Variants in MYO3A observed in about 807,000 individuals in gnomAD.
The protein encoded by MYO3A is myosin IIIA.
A neutral mutation model predicts 192.7 loss-of-function variants in MYO3A; 180 were observed. The observed-to-expected ratio is 0.93, with a 90% CI of 0.83 to 1.06. MYO3A has a LOEUF of 1.06. Among genes scored for constraint, MYO3A ranks in the 50% least tolerant of loss-of-function variants. The probability of loss-of-function intolerance (pLI) is 0.00; values close to 1 mark genes in which losing one functional copy is unlikely to be tolerated. For missense variants in MYO3A, 1,896 were observed against 1,905.0 expected (o/e 1.00, Z 0.09); for synonymous variants, 628 against 645.3 (o/e 0.97, Z 0.41).
At chr10:26,150,111 A>G (rs1192982921) in intron 23 of MYO3A, among the ~76,000 whole-genome samples, 1 of 151,986 alleles carries the variant, frequency 6.6e-6, no homozygotes, top group Non-Finnish European at 1.5e-5. Flanking sequence ...TGGGTTGATC[A>G]TATCTTGGCT....
At chr10:26,075,087 C>T (rs1835445553) in intron 14 of MYO3A, among the ~76,000 whole-genome samples, 1 of 152,098 alleles carries the variant, frequency 6.6e-6, no homozygotes, top group South Asian at 2.1e-4. Flanking sequence ...CATTTCTATT[C>T]CACTAGTTGA....
chr10:26,115,967 TA>T (rs1231547420), intron 17 of MYO3A, among the ~76,000 whole-genome samples: 1 of 152,216 alleles, frequency 6.6e-6, no homozygotes, highest in Non-Finnish European at 1.5e-5. Flanking sequence ...GTCACAAGAC[TA>T]ATTGTCAGAT....
chr10:26,000,151 A>G (rs1277065879), intron 6 of MYO3A, among the ~76,000 whole-genome samples: 1 of 152,168 alleles, frequency 6.6e-6, no homozygotes, highest in African/African-American at 2.4e-5. Flanking sequence ...TCCGTGCTGG[A>G]ACAGAGTAAG....
At chr10:25,985,255 A>AAAG (rs1554794858) in intron 4 of MYO3A, among the ~76,000 whole-genome samples, 5,802 of 147,438 alleles carry the variant, frequency 0.039, 181 homozygotes, top group Middle Eastern at 0.066. Flanking sequence ...AAAAAAAAAA[A>AAAG]AAATTCTGAA....
At chr10:25,985,182 G>A (rs1212842115) in intron 4 of MYO3A, among the ~76,000 whole-genome samples, 6 of 148,690 alleles carry the variant, frequency 4.0e-5, no homozygotes, top group African/African-American at 9.9e-5. Flanking sequence ...AGGTTGCAGT[G>A]AGCTGAGATC....
intron 6 of MYO3A, 126 bp from the exon 7 acceptor site, chr10:26,016,694 A>G (rs1842000812): frequency 1.0e-5 from 9 of 862,036 alleles, no homozygotes; most frequent in Non-Finnish European, 1.7e-5. Context: ...TTAATGTGAC[A>G]CTAGGTCCAC....
Position 26,052,680 on chromosome 10 carries a change from C to T in MYO3A, c.954-14295C>T, listed in dbSNP as rs146348260. 1.1e-3 allele frequency among the ~76,000 whole-genome samples: 163 copies of T among 152,304 alleles called. 2 individuals carry two copies. The highest frequency in any genetic ancestry group is 2.6e-4 in the Non-Finnish European group (18 of 68,026). ...TTATGTTTAACAAAAGATTGCTATT[C>T]TACCCCAGTGGCTCCTTAATCACCT... On this transcript the variant is annotated intron_variant, in intron 10 of 34. Transcript: ENST00000642920.
At chr10:25,972,516 G>T (rs918898022) in intron 4 of MYO3A, among the ~76,000 whole-genome samples, 25 of 151,844 alleles carry the variant, frequency 1.6e-4, no homozygotes, top group African/African-American at 6.0e-4. Context: ...TTTTGTTGTT[G>T]TTGAAAACTG....
intron 34 of MYO3A, among the ~76,000 whole-genome samples, chr10:26,209,442 T>C (rs1844122965): frequency 6.6e-6 from 1 of 152,152 alleles, no homozygotes; most frequent in Non-Finnish European, 1.5e-5. Flanking sequence ...AAATGAATAA[T>C]ACATGAAAGA....
intron 26 of MYO3A, among the ~76,000 whole-genome samples, chr10:26,160,767 G>A (rs1357520855): frequency 6.6e-6 from 1 of 152,184 alleles, no homozygotes; most frequent in Non-Finnish European, 1.5e-5. Flanking sequence ...AAAGCTAGCG[G>A]GACTTAGATT....
At chr10:26,172,279 A>T (rs1842087559) in intron 29 of MYO3A, among the ~76,000 whole-genome samples, 1 of 152,216 alleles carries the variant, frequency 6.6e-6, no homozygotes, top group South Asian at 2.1e-4. Flanking sequence ...AGAGCCCCTG[A>T]ACTGTGACCT....
chr10:26,049,289 T>A (rs1843825515), intron 10 of MYO3A, among the ~76,000 whole-genome samples: 1 of 152,080 alleles, frequency 6.6e-6, no homozygotes, highest in Non-Finnish European at 1.5e-5. Flanking sequence ...GAGCCTCAGT[T>A]GAAGGGTATT....
At chr10:26,176,539 G>A (rs76326604) in intron 30 of MYO3A, among the ~76,000 whole-genome samples, 162 bp from the exon 31 acceptor site, 1 of 152,176 alleles carries the variant, frequency 6.6e-6, no homozygotes, top group East Asian at 1.9e-4. Context: ...AGGTTGTCAG[G>A]TGAGAACTTT....
intron 17 of MYO3A, among the ~76,000 whole-genome samples, chr10:26,105,796 T>C (rs1283515212): frequency 6.6e-6 from 1 of 151,868 alleles, no homozygotes; most frequent in African/African-American, 2.4e-5. Context: ...GTATGTGTAG[T>C]CTCCTAGATT....
chr10:26,188,541 G>A (rs1032966131), intron 31 of MYO3A, among the ~76,000 whole-genome samples: 1 of 152,078 alleles, frequency 6.6e-6, no homozygotes, highest in Non-Finnish European at 1.5e-5. Flanking sequence ...CATTGCTTTT[G>A]GTGTTTTAGT....
At chr10:26,170,328 A>C in intron 28 of MYO3A, 88 bp from the exon 29 acceptor site, 2 of 1,429,032 alleles carry the variant, frequency 1.4e-6, no homozygotes, top group Admixed American at 3.9e-5. Context: ...CTTTGACATC[A>C]ATGGTCAAAG....
At chr10:25,995,510 G>T (rs1840370053) in intron 4 of MYO3A, among the ~76,000 whole-genome samples, 1 of 152,174 alleles carries the variant, frequency 6.6e-6, no homozygotes, top group Non-Finnish European at 1.5e-5. Context: ...CAAATCATCA[G>T]TCATTCTCCA....
At chr10:26,000,448 C>G (rs1364678555) in intron 6 of MYO3A, among the ~76,000 whole-genome samples, 1 of 151,132 alleles carries the variant, frequency 6.6e-6, no homozygotes, top group Admixed American at 6.6e-5. Context: ...ATGCAAATTG[C>G]AAAAAAAATG....
intron 17 of MYO3A, among the ~76,000 whole-genome samples, chr10:26,118,187 T>A: frequency 6.8e-6 from 1 of 146,538 alleles, no homozygotes; most frequent in South Asian, 2.1e-4. Flanking sequence ...TTTAATAGGG[T>A]TTTTTTTTTC....
Sources: gnomAD v4.1 joint callset for allele counts (sites outside exome capture counted in the v4.1 genomes callset) on GRCh38, gnomAD v4.1.1 for gene constraint, MANE v1.5 for transcripts, NCBI Gene and HGNC (gene_info 2026-07-23, HGNC 2026-07-21) for gene names.